CNTN5: variants seen among roughly 807,000 people sequenced by gnomAD.
CNTN5 encodes the protein contactin-5.
A neutral mutation model predicts 129.1 loss-of-function variants in CNTN5; 77 were observed. The observed-to-expected ratio is 0.60, with a 90% confidence interval of 0.50 to 0.72. The LOEUF (loss-of-function observed/expected upper bound fraction) is 0.72. Ranked by LOEUF, CNTN5 falls within the 30% of genes least tolerant of loss-of-function variation. CNTN5 has a pLI of 0.00. For synonymous variants in CNTN5, 509 were observed against 465.6 expected (o/e 1.09, Z -1.20); for missense variants, 1,478 against 1,328.8 (o/e 1.11, Z -1.75).
intron 6 of CNTN5, among the ~76,000 whole-genome samples, chr11:99,865,751 G>A (rs1330792443): frequency 1.3e-5 from 2 of 151,872 alleles, no homozygotes; most frequent in Non-Finnish European, 2.9e-5. Flanking sequence ...TCTTTTACAG[G>A]CCATTAATTA....
chr11:99,278,288 G>A (rs887037550), intron 1 of CNTN5, among the ~76,000 whole-genome samples: 1 of 151,736 alleles, frequency 6.6e-6, no homozygotes, highest in Admixed American at 6.6e-5. Flanking sequence ...CAAGAACCCT[G>A]TGAATAACTG....
At chr11:99,710,826 G>C (rs1210530304) in intron 3 of CNTN5, among the ~76,000 whole-genome samples, 1 of 151,812 alleles carries the variant, frequency 6.6e-6, no homozygotes, top group Non-Finnish European at 1.5e-5. Context: ...ATTTTGAATA[G>C]TTATAAAATC....
At chr11:100,248,083 G>A (rs1215863765) in intron 16 of CNTN5, among the ~76,000 whole-genome samples, 2 of 152,206 alleles carry the variant, frequency 1.3e-5, no homozygotes, top group Non-Finnish European at 2.9e-5. Flanking sequence ...CATGTGTTTG[G>A]AAGTGTCTGT....
Position 99,896,174 on chromosome 11 carries a change from A to G in CNTN5, c.578-19880A>G, listed in dbSNP as rs183341847. ...TTTGTGGACCTCCAGTATGGATGTC[A>G]TAGCTGACATATGGAGGAATAGTGG... On this transcript the variant is annotated intron_variant, in intron 6 of 24. Transcript: ENST00000524871. 6.0e-3 allele frequency among the ~76,000 whole-genome samples: 911 copies of G among 152,296 alleles called. 5 individuals carry two copies. The highest frequency in any genetic ancestry group is 0.02 in the African/African-American group (843 of 41,578).
intron 13 of CNTN5, among the ~76,000 whole-genome samples, chr11:100,090,030 A>G (rs1944697043): frequency 1.3e-5 from 2 of 152,278 alleles, no homozygotes; most frequent in South Asian, 4.1e-4. Flanking sequence ...CATCCTGAAC[A>G]TGTATCCCAG....
chr11:99,232,593 T>C (rs1283365433), intron 1 of CNTN5, among the ~76,000 whole-genome samples: 3 of 152,208 alleles, frequency 2.0e-5, no homozygotes, highest in Non-Finnish European at 2.9e-5. Flanking sequence ...TCATGTCTTC[T>C]GCAAACAAAG....
At position 99,899,978 on chromosome 11, in the gene CNTN5, AG is replaced by A. The variant is rs549007857; in HGVS notation, c.578-16074del. ...CAATCCTGGAAGTTTGTATGTTTACAGGACTTTATCCATTTCCTCTAGGTGT... is the reference window on the plus strand; with the variant it reads ...CAATCCTGGAAGTTTGTATGTTTACAGACTTTATCCATTTCCTCTAGGTGT... On this transcript the variant is annotated intron_variant, in intron 6 of 24. Coordinates refer to ENST00000524871, the MANE Select transcript of CNTN5 (RefSeq NM_014361.4). Among the ~76,000 whole-genome samples the A allele has an allele frequency of 1.2e-4, 19 of 152,042 alleles. 1 individual carries two copies. In the South Asian group the frequency reaches 3.7e-3, roughly 30 times the overall value.
intron 13 of CNTN5, 68 bp from the exon 14 acceptor site, chr11:100,191,058 C>A: frequency 1.8e-6 from 2 of 1,102,010 alleles, no homozygotes; most frequent in Non-Finnish European, 2.6e-6. Flanking sequence ...TAGACTTCAT[C>A]ATTGGTTCTT....
intron 2 of CNTN5, among the ~76,000 whole-genome samples, chr11:99,468,929 A>G (rs1430178270): frequency 6.6e-6 from 1 of 152,008 alleles, no homozygotes; most frequent in African/African-American, 2.4e-5. Context: ...TATTTGTGAA[A>G]CTAGGATTAA....
chr11:99,215,773 G>A (rs909942002), intron 1 of CNTN5, among the ~76,000 whole-genome samples: 4 of 152,158 alleles, frequency 2.6e-5, no homozygotes, highest in African/African-American at 9.7e-5. Flanking sequence ...TCAGACTGGT[G>A]CTTTTCAAAA....
At chr11:99,614,851 G>GT (rs1950709534) in intron 3 of CNTN5, among the ~76,000 whole-genome samples, 1 of 151,902 alleles carries the variant, frequency 6.6e-6, no homozygotes, top group Admixed American at 6.6e-5. Context: ...CTATAAAGAA[G>GT]TATCCCCTTT....
At chr11:99,463,825 G>A (rs921091770) in intron 2 of CNTN5, among the ~76,000 whole-genome samples, 4 of 152,012 alleles carry the variant, frequency 2.6e-5, no homozygotes, top group Admixed American at 6.6e-5. Context: ...GAATAATCAA[G>A]GAAATAATTT....
At chr11:99,305,490 T>C (rs556795739) in intron 1 of CNTN5, among the ~76,000 whole-genome samples, 1 of 152,290 alleles carries the variant, frequency 6.6e-6, no homozygotes. Flanking sequence ...CAGTTTTTTC[T>C]TTGATGTGAT....
chr11:99,560,072 C>G (rs1948791367), intron 3 of CNTN5, among the ~76,000 whole-genome samples: 1 of 152,054 alleles, frequency 6.6e-6, no homozygotes, highest in African/African-American at 2.4e-5. Context: ...GTAAATGAAG[C>G]AAAGGACATT....
intron 1 of CNTN5, among the ~76,000 whole-genome samples, chr11:99,085,226 G>T (rs1865958952): frequency 1.3e-5 from 2 of 149,794 alleles, no homozygotes; most frequent in South Asian, 4.2e-4. Context: ...TGTATTTTTA[G>T]TAGAGACGGG....
At chr11:99,136,498 CT>C (rs1244514928) in intron 1 of CNTN5, among the ~76,000 whole-genome samples, 1 of 152,120 alleles carries the variant, frequency 6.6e-6, no homozygotes, top group Non-Finnish European at 1.5e-5. Context: ...TTTAATATGT[CT>C]TTGCTTCTTC....
intron 3 of CNTN5, among the ~76,000 whole-genome samples, chr11:99,781,645 G>C (rs1945314632): frequency 6.6e-6 from 1 of 151,978 alleles, no homozygotes; most frequent in Non-Finnish European, 1.5e-5. Context: ...ACACCCAGCA[G>C]GTACTCAATG....
At chr11:100,147,326 G>A (rs1379263501) in intron 13 of CNTN5, among the ~76,000 whole-genome samples, 2 of 152,126 alleles carry the variant, frequency 1.3e-5, no homozygotes, top group African/African-American at 4.8e-5. Context: ...CCCTTCTTCA[G>A]AAGAGGAGTG....
chr11:100,324,584 T>G (rs1951754269), intron 21 of CNTN5, among the ~76,000 whole-genome samples: 1 of 152,168 alleles, frequency 6.6e-6, no homozygotes, highest in Non-Finnish European at 1.5e-5. Flanking sequence ...CTATTCAATA[T>G]TCTCTCTTTC....
Sources: allele counts gnomAD v4.1 joint callset (sites outside exome capture counted in the v4.1 genomes callset), GRCh38; gene constraint gnomAD v4.1.1; transcripts MANE v1.5; gene names NCBI Gene and HGNC (gene_info 2026-07-23, HGNC 2026-07-21).